CP: variants seen among roughly 807,000 people sequenced by gnomAD.
CP encodes the protein ceruloplasmin.
Under a neutral mutation model 122.4 loss-of-function variants are expected in CP, and 64 were observed. The ratio of observed to expected loss-of-function variants is 0.52; its 90% CI spans 0.43 to 0.64. The LOEUF (loss-of-function observed/expected upper bound fraction) is 0.64, where lower values mean the gene tolerates loss of function less well. Among genes scored for constraint, CP ranks in the 30% least tolerant of loss-of-function variants. CP has a pLI of 0.00. For missense variants in CP, 1,167 were observed against 1,284.4 expected (o/e 0.91, Z 1.40); for synonymous variants, 440 against 436.4 (o/e 1.01, Z -0.10).
At chr3:149,213,595 G>T (rs1453848679) in intron 1 of CP, among the ~76,000 whole-genome samples, 1 of 151,308 alleles carries the variant, frequency 6.6e-6, no homozygotes, top group South Asian at 2.1e-4. Context: ...CACAACCAAG[G>T]CTCTTCCATT....
chr3:149,205,536 A>T (rs1260388694), intron 6 of CP, among the ~76,000 whole-genome samples: 2 of 152,114 alleles, frequency 1.3e-5, no homozygotes, highest in Admixed American at 6.5e-5. Flanking sequence ...TATGGTATAT[A>T]CATACAATGA....
Position 149,186,602 on chromosome 3 carries a change from A to G in CP, c.1995T>C (p.Tyr665=), listed in dbSNP as rs1351532741. 5 of 1,614,188 alleles carry G rather than the reference A, an allele frequency of 3.1e-6. No individual in the cohort carries two copies. Among genetic ancestry groups the G allele is most frequent in the South Asian group, 2.2e-5 (2 of 91,084 alleles). ...TGTCTCTCCGTTCTCCTCTCCACAG[A>G]TATGTGTTTCCTGAAAAGTATATTC... ...VHGIYFSGNT[Y]LWRGERRDTA... is the part of the protein sequence containing the mutation. Residue 665 remains tyrosine, a synonymous_variant, in exon 11 of 19, where the codon TAT becomes TAC. Transcript: ENST00000264613.
At chr3:149,182,979 C>A (rs1237027586) in intron 13 of CP, among the ~76,000 whole-genome samples, 1 of 151,928 alleles carries the variant, frequency 6.6e-6, no homozygotes, top group Non-Finnish European at 1.5e-5. Flanking sequence ...GGTGAAACCT[C>A]ATCTCTACTA....
intron 9 of CP, among the ~76,000 whole-genome samples, chr3:149,197,805 C>T (rs753950963): frequency 6.6e-5 from 10 of 152,168 alleles, no homozygotes; most frequent in Non-Finnish European, 1.5e-4. Flanking sequence ...TCTGTTGCCG[C>T]CACTGATCTG....
At chr3:149,197,940 T>G (rs1305112941) in intron 9 of CP, among the ~76,000 whole-genome samples, 7 of 152,156 alleles carry the variant, frequency 4.6e-5, no homozygotes, top group African/African-American at 1.7e-4. Flanking sequence ...GGGGTGTGTG[T>G]GGGGGATGTT....
intron 16 of CP, 40 bp downstream of exon 16, chr3:149,178,375 T>TA (rs764095652): frequency 3.8e-5 from 55 of 1,431,066 alleles, no homozygotes; most frequent in Non-Finnish European, 5.2e-5. Flanking sequence ...GAGAAAATGA[T>TA]AAAAAAGTAG....
chr3:149,207,547 G>A lies in CP; in HGVS notation c.852C>T (p.Tyr284=). The part of the protein sequence containing the change: ...SMCAEDRVKW[Y]LFGMGNEVDV... Reference sequence around the variant, plus strand: ...CAACTTCATTACCCATACCAAAAAGGTACCATTTTACTCTGTCTTCAGCAC... The same window carrying A: ...CAACTTCATTACCCATACCAAAAAGATACCATTTTACTCTGTCTTCAGCAC... The change falls in exon 5 of 19, where the codon TAC becomes TAT. Residue 284 remains tyrosine (Y), a synonymous_variant. Transcript: ENST00000264613. 6.2e-7 allele frequency: 1 copy of A among 1,613,968 alleles called. No individual in the cohort carries two copies. Among genetic ancestry groups the A allele is most frequent in the Non-Finnish European group, 8.5e-7 (1 of 1,179,886 alleles).
At position 149,206,149 on chromosome 3, in the gene CP, C is replaced by T. The variant is rs766536932; in HGVS notation, c.1208+19G>A. The T allele has an allele frequency of 1.9e-6, 3 of 1,611,060 alleles. No homozygotes were observed. Among genetic ancestry groups the T allele is most frequent in the African/African-American group, 2.7e-5 (2 of 74,952 alleles). ...GGGGAGAGCATATTTTGAAATAGTA[C>T]TCTTTTTTTGTAAATTACCTTCCAG... On this transcript the variant is annotated intron_variant, in intron 6 of 18. Transcript: ENST00000264613.
intron 7 of CP, among the ~76,000 whole-genome samples, chr3:149,200,795 C>T (rs993522958): frequency 6.6e-6 from 1 of 152,086 alleles, no homozygotes; most frequent in Non-Finnish European, 1.5e-5. Flanking sequence ...CAGGCATGAG[C>T]CACCGCGCCC....
chr3:149,179,489 A>C, intron 15 of CP, 67 bp downstream of exon 15: 1 of 1,209,602 alleles, frequency 8.3e-7, no homozygotes, highest in South Asian at 1.2e-5. Context: ...GAAAACACTA[A>C]CCTTGTCTTC....
At chr3:149,162,457 A>C (rs1192734889) in exon 6 of CP, 2 of 947,732 alleles carry the variant, frequency 2.1e-6, no homozygotes, top group Non-Finnish European at 3.3e-6. Flanking sequence ...ATACATAATC[A>C]GTTTATAAGA....
intron 5 of CP, among the ~76,000 whole-genome samples, chr3:149,165,371 T>C (rs1724309861): frequency 6.6e-6 from 1 of 152,226 alleles, no homozygotes; most frequent in South Asian, 2.1e-4. Context: ...TAAAATTTGT[T>C]TTAAAATATT....
intron 8 of CP, among the ~76,000 whole-genome samples, 153 bp downstream of exon 8, chr3:149,199,558 AG>A (rs1727156951): frequency 6.6e-6 from 1 of 152,218 alleles, no homozygotes; most frequent in Non-Finnish European, 1.5e-5. Flanking sequence ...AGGTAGGAGA[AG>A]GGGTTTATTT....
chr3:149,221,616 T>C (rs1728812019), intron 1 of CP, 31 bp downstream of exon 1: 1 of 1,589,262 alleles, frequency 6.3e-7, no homozygotes, highest in African/African-American at 1.4e-5. Flanking sequence ...CTTAAAATTT[T>C]GGTCTATAAA....
intron 6 of CP, among the ~76,000 whole-genome samples, chr3:149,203,138 C>T (rs1022134000): frequency 3.7e-4 from 56 of 152,158 alleles, no homozygotes; most frequent in African/African-American, 1.3e-3. Flanking sequence ...GATCTCCTGA[C>T]CTCAGTGATC....
intron 9 of CP, among the ~76,000 whole-genome samples, chr3:149,190,431 G>T (rs1419655149): frequency 6.6e-6 from 1 of 152,132 alleles, no homozygotes; most frequent in Non-Finnish European, 1.5e-5. Context: ...ACCGAGGCAG[G>T]CAGATCACTT....
downstream of CP, chr3:149,172,318 T>TCACACACACA (rs113015797): frequency 8.4e-3 from 4,785 of 571,368 alleles, 26 homozygotes; most frequent in African/African-American, 0.028. Flanking sequence ...ATTTTATATA[T>TCACACACACA]CACACACACA....
At chr3:149,195,793 G>A (rs891888922) in intron 9 of CP, among the ~76,000 whole-genome samples, 2 of 151,650 alleles carry the variant, frequency 1.3e-5, no homozygotes, top group Non-Finnish European at 2.9e-5. Flanking sequence ...GTGAACCCAG[G>A]AGGTGGGGCT....
At chr3:149,167,346 C>T (rs1180213454) in intron 4 of CP, 5 of 863,334 alleles carry the variant, frequency 5.8e-6, no homozygotes, top group Non-Finnish European at 9.4e-6. Context: ...AATCCAACAT[C>T]ATAAGGCTGT....
Sources: gnomAD v4.1 joint callset for allele counts (sites outside exome capture counted in the v4.1 genomes callset) on GRCh38, gnomAD v4.1.1 for gene constraint, MANE v1.5 for transcripts, NCBI Gene and HGNC (gene_info 2026-07-23, HGNC 2026-07-21) for gene names.